Variants in NFATC4 observed in about 807,000 individuals in gnomAD.
NFATC4 encodes nuclear factor of activated T cells 4, also known as nuclear factor of activated T-cells, cytoplasmic 4.
In NFATC4, 25 loss-of-function variants were observed where a neutral mutation model predicts 73.4. That is an observed-to-expected ratio of 0.34 (90% CI 0.25 to 0.48). The LOEUF is 0.48. NFATC4 is among the 20% of genes least tolerant of loss of function. The probability of loss-of-function intolerance (pLI) is 0.99; values close to 1 mark genes in which losing one functional copy is unlikely to be tolerated. For missense variants in NFATC4, 1,130 were observed against 1,203.7 expected, an observed-to-expected ratio of 0.94 and a Z score of 0.91; for synonymous variants, 523 against 510.3, an observed-to-expected ratio of 1.02 and a Z score of -0.34.
Position 24,376,633 on chromosome 14 carries a change from T to C in NFATC4, c.2396T>C (p.Phe799Ser). ...CCGTATGGAGGGCGGGGCTCCTCTT[T>C]CTCCCTGGGGCTGCCATTCTCTCCG... The part of the protein sequence containing the change: ...SDPYGGRGSS[F>S]SLGLPFSPPA... Residue 799 changes from phenylalanine to serine, a missense_variant, in exon 9 of 10, where the codon TTC (phenylalanine) becomes TCC (serine). Phe to Ser is a radical substitution (Grantham distance 155, BLOSUM62 -2). Around this residue, in one of 3 missense-constraint regions of NFATC4, gnomAD observed 390 missense variants for 408.1 expected, o/e 0.96. Coordinates refer to ENST00000250373, the MANE Select transcript of NFATC4 (RefSeq NM_004554.5). This position sits in a 1 kb window ranked among gnomAD's most constrained non-coding sequence, Gnocchi z 5.0. The C allele has an allele frequency of 6.2e-7, 1 of 1,613,310 alleles. No individual in the cohort carries two copies. The highest frequency in any genetic ancestry group is 8.5e-7 in the Non-Finnish European group (1 of 1,179,782).
intron 6 of NFATC4, among the ~76,000 whole-genome samples, chr14:24,375,260 G>C (rs1336675124): frequency 6.6e-6 from 1 of 152,136 alleles, no homozygotes; most frequent in African/African-American, 2.4e-5. Context: ...AGCTTCTCCA[G>C]AGGTTCTAGG....
chr14:24,368,916 C>T (rs1355783563), intron 1 of NFATC4: 16 of 391,556 alleles, frequency 4.1e-5, no homozygotes, highest in East Asian at 1.3e-4. Context: ...CCGGGGGCGG[C>T]GGCCGCCGCT....
intron 1 of NFATC4, 137 bp from the exon 2 acceptor site, chr14:24,369,362 C>T: frequency 6.3e-7 from 1 of 1,599,650 alleles, no homozygotes; most frequent in South Asian, 1.1e-5. Context: ...CTGCTTTTGT[C>T]TTGTGGCTCA....
chr14:24,367,390 G>A (rs1488806508), upstream of NFATC4: 5 of 1,535,546 alleles, frequency 3.3e-6, no homozygotes, highest in Admixed American at 9.8e-5. Context: ...TAGGGAGGAG[G>A]CTGCCAACTT....
rs1322755925 is a variant in NFATC4 at position 24,373,809 on chromosome 14, G to A, written c.1674G>A (p.Val558=). The A allele has an allele frequency of 6.2e-7, 1 of 1,614,118 alleles. No homozygotes were observed. Among genetic ancestry groups the A allele is most frequent in the Non-Finnish European group, 8.5e-7 (1 of 1,180,036 alleles). Residue 558 remains valine, a synonymous_variant, in exon 5 of 10, where the codon GTG becomes GTA. Transcript: ENST00000250373. This position sits in a 1 kb window ranked among gnomAD's most constrained non-coding sequence, Gnocchi z 4.7. ...TACGGCTGGTGTTCCGGGTACACGT[G>A]CCCCAGGGCGGCGGGAAGGTCGTCT... is the stretch of plus-strand genomic sequence containing the variant. ...TRVRLVFRVH[V]PQGGGKVVSV...
In NFATC4 at chr14:24,370,293, C is replaced by T. The variant is rs200059234; in HGVS notation, c.895C>T (p.Pro299Ser). 74 of 1,611,606 alleles carry T rather than the reference C, an allele frequency of 4.6e-5. No individual in the cohort carries two copies. Among genetic ancestry groups the T allele is most frequent in the Non-Finnish European group, 2.0e-5 (23 of 1,178,510 alleles). ...GGGGGAAGAGGGGTCTGAGCCACCT[C>T]CACCACCCCCATTGCCTCTGGCCCG... Reference protein sequence around the residue: ...SLGEEGSEPPPPPPLPLARDP... With the variant: ...SLGEEGSEPPSPPPLPLARDP... Residue 299 changes from proline (P) to serine (S), a missense_variant, in exon 2 of 10, where the codon CCA becomes TCA. Coordinates refer to ENST00000250373, the MANE Select transcript of NFATC4 (RefSeq NM_004554.5).
chr14:24,376,238 G>A lies in NFATC4; in HGVS notation c.2057-56G>A. On this transcript the variant is annotated intron_variant, in intron 8 of 9. Coordinates refer to ENST00000250373, the MANE Select transcript of NFATC4 (RefSeq NM_004554.5). The surrounding 1 kb of genome is among the most constrained non-coding windows in gnomAD (Gnocchi z 5.0). Reference sequence around the variant, plus strand: ...GGAGCAGGCAGCTGGAAGGTGTGCAGTGGGGAGACTACCAGACCTCTCACC... The same window carrying A: ...GGAGCAGGCAGCTGGAAGGTGTGCAATGGGGAGACTACCAGACCTCTCACC... 1 of 1,562,796 alleles carries A rather than the reference G, an allele frequency of 6.4e-7. No homozygotes were observed. Among genetic ancestry groups the A allele is most frequent in the East Asian group, 2.2e-5 (1 of 44,506 alleles).
At position 24,374,308 on chromosome 14, in the gene NFATC4, C is replaced by G; in HGVS notation, c.1733-18C>G. ...CATGCCCAGCCCAGCCAGTCCTCTT[C>G]CTTGCACTGCTCTGCAGCCCAGCGC... On this transcript the variant is annotated intron_variant, in intron 5 of 9. Coordinates refer to ENST00000250373, the MANE Select transcript of NFATC4 (RefSeq NM_004554.5). 1 of 1,601,564 alleles carries G rather than the reference C, an allele frequency of 6.2e-7. No individual in the cohort carries two copies. The highest frequency in any genetic ancestry group is 1.1e-5 in the South Asian group (1 of 88,910).
At chr14:24,368,538 T>TGAGGGAGTCAGAGGTCG in intron 1 of NFATC4, 98 bp downstream of exon 1, 1 of 919,256 alleles carries the variant, frequency 1.1e-6, no homozygotes, top group Non-Finnish European at 1.3e-6. Context: ...GGGTGGGGGG[T>TGAGGGAGTCAGAGGTCG]GAGGGAGTCA....
upstream of NFATC4, chr14:24,367,643 A>T (rs1160177201): frequency 2.6e-6 from 4 of 1,535,958 alleles, no homozygotes; most frequent in African/African-American, 5.5e-5. Flanking sequence ...GCCCGGGCAG[A>T]GTAGCCCCAG....
At position 24,368,416 on chromosome 14, in the gene NFATC4, C is replaced by A; in HGVS notation, c.76C>A (p.Leu26Met). 1 of 1,343,062 alleles carries A rather than the reference C, an allele frequency of 7.4e-7. No homozygotes were observed. The highest frequency in any genetic ancestry group is 9.6e-7 in the Non-Finnish European group (1 of 1,045,066). 83.2% of individuals were successfully genotyped at this position (1,343,062 alleles called of 1,614,324 possible). ...VFGEEKEAPP[L>M]GAGGLGEELD... is the part of the protein sequence containing the mutation. ...CGGGGAGGAAAAGGAGGCCCCCCCG[C>A]TGGGCGCGGGGGGATTGGGGGAAGG... Residue 26 changes from leucine (L) to methionine (M), a missense_variant, in exon 1 of 10, where the codon CTG becomes ATG. By Grantham distance (15) the Leu-to-Met change is conservative. Coordinates refer to ENST00000250373, the MANE Select transcript of NFATC4 (RefSeq NM_004554.5).
At chr14:24,375,873 T>G in intron 7 of NFATC4, 102 bp from the exon 8 acceptor site, 1 of 1,572,344 alleles carries the variant, frequency 6.4e-7, no homozygotes, top group Non-Finnish European at 8.7e-7. Context: ...CTTTGCATCT[T>G]AGAAAATGGA....
chr14:24,377,984 T>A lies in NFATC4; in HGVS notation c.*279T>A. 3.5e-6 allele frequency: 2 copies of A among 578,358 alleles called. No individual in the cohort carries two copies. The highest frequency in any genetic ancestry group is 6.0e-6 in the Non-Finnish European group (2 of 335,768). The allele number at this position is 578,358 out of a possible 1,614,324, so 35.8% of individuals were successfully genotyped here. A position where few individuals can be genotyped will look rare whatever the true frequency, so the allele number is the denominator to read the frequency against. On this transcript the variant is annotated 3_prime_UTR_variant, in exon 10 of 10. Transcript: ENST00000250373. This position sits in a 1 kb window ranked among gnomAD's most constrained non-coding sequence, Gnocchi z 4.2. ...GAATGGACTGGAGTGAAGGCGTGTC[T>A]AGAGTGTGGGCTGGCTGTTGTGCTG...
upstream of NFATC4, chr14:24,367,173 C>T (rs1309927881): frequency 6.2e-7 from 1 of 1,613,956 alleles, no homozygotes; most frequent in African/African-American, 1.3e-5. Flanking sequence ...CCTGACTTTC[C>T]CGGAAACTCC....
upstream of NFATC4, chr14:24,367,306 A>T: frequency 6.4e-7 from 1 of 1,552,198 alleles, no homozygotes; most frequent in South Asian, 1.2e-5. Flanking sequence ...GGCCCCTAGT[A>T]AACCTGGCAA....
At chr14:24,374,693 T>G in intron 6 of NFATC4, 1 of 488,474 alleles carries the variant, frequency 2.0e-6, no homozygotes, top group Non-Finnish European at 3.7e-6. Context: ...CAATGCACAT[T>G]CTGTCTAATA....
At position 24,369,790 on chromosome 14, in the gene NFATC4, T is replaced by G; in HGVS notation, c.392T>G (p.Leu131Arg). ...ISPTPEPPAALEDNPDAWGDG... is the reference protein window; with the variant it reads ...ISPTPEPPAAREDNPDAWGDG... ...CCCACGCCGGAGCCGCCAGCAGCGCTGGAGGACAACCCTGATGCCTGGGGG... is the reference window on the plus strand; with the variant it reads ...CCCACGCCGGAGCCGCCAGCAGCGCGGGAGGACAACCCTGATGCCTGGGGG... Residue 131 changes from leucine (L) to arginine (R), a missense_variant, in exon 2 of 10, where the codon CTG (leucine) becomes CGG (arginine). Around this residue, in one of 3 missense-constraint regions of NFATC4, gnomAD observed 585 missense variants for 574.3 expected, o/e 1.02. Transcript: ENST00000250373. 1 of 1,596,834 alleles carries G rather than the reference T, an allele frequency of 6.3e-7. No homozygotes were observed. Among genetic ancestry groups the G allele is most frequent in the Middle Eastern group, 1.7e-4 (1 of 6,032 alleles).
Position 24,376,216 on chromosome 14 carries a change from G to A in NFATC4, c.2057-78G>A. On this transcript the variant is annotated intron_variant, in intron 8 of 9. Transcript: ENST00000250373. The surrounding 1 kb of genome is among the most constrained non-coding windows in gnomAD (Gnocchi z 5.0). ...AAGGGGTGAATGGAACCTGGGAGGAGCAGGCAGCTGGAAGGTGTGCAGTGG... is the reference window on the plus strand; with the variant it reads ...AAGGGGTGAATGGAACCTGGGAGGAACAGGCAGCTGGAAGGTGTGCAGTGG... The A allele has an allele frequency of 6.4e-7, 1 of 1,571,858 alleles. No homozygotes were observed. The highest frequency in any genetic ancestry group is 1.8e-5 in the Admixed American group (1 of 56,624).
chr14:24,367,108 C>A (rs1214134454), upstream of NFATC4: 2 of 1,614,034 alleles, frequency 1.2e-6, no homozygotes, highest in Non-Finnish European at 1.7e-6. Context: ...GTATCTCCCA[C>A]CGAGTCACGA....
Sources: gnomAD v4.1 joint callset for allele counts (sites outside exome capture counted in the v4.1 genomes callset) on GRCh38, gnomAD v4.1.1 for gene constraint, gnomAD v4.1.1 regional missense constraint, Gnocchi (gnomAD v3.1) non-coding constraint, MANE v1.5 for transcripts, NCBI Gene and HGNC (gene_info 2026-07-23, HGNC 2026-07-21) for gene names.